Variants in HS3ST3A1 observed in about 807,000 individuals in gnomAD.
The protein encoded by HS3ST3A1 is heparan sulfate-glucosamine 3-sulfotransferase 3A1.
Under a neutral mutation model 25.7 loss-of-function variants are expected in HS3ST3A1, and 19 were observed. The ratio of observed to expected loss-of-function variants is 0.74; its 90% confidence interval spans 0.52 to 1.08. The LOEUF is 1.08. Ranked by LOEUF, HS3ST3A1 falls within the 50% of genes least tolerant of loss-of-function variation. The pLI, the probability that HS3ST3A1 is intolerant of heterozygous loss-of-function variation, is 0.00. For synonymous variants in HS3ST3A1, 226 were observed against 278.6 expected (o/e 0.81, Z 1.88); for missense variants, 459 against 594.3 (o/e 0.77, Z 2.37).
chr17:13,532,906 TAC>T (rs372721576), intron 1 of HS3ST3A1, among the ~76,000 whole-genome samples: 57,187 of 146,300 alleles, frequency 0.39, 11,859 homozygotes, highest in African/African-American at 0.55. Context: ...TATGTTTATA[TAC>T]ACACACACAC....
chr17:13,547,547 G>T (rs896826714), intron 1 of HS3ST3A1, among the ~76,000 whole-genome samples: 1 of 152,174 alleles, frequency 6.6e-6, no homozygotes, highest in Non-Finnish European at 1.5e-5. Flanking sequence ...CGGAGGTGCT[G>T]GGAGGCTGTG....
chr17:13,505,799 G>T (rs1905645935), intron 1 of HS3ST3A1, among the ~76,000 whole-genome samples: 1 of 152,044 alleles, frequency 6.6e-6, no homozygotes, highest in South Asian at 2.1e-4. Flanking sequence ...GCAGATGTGG[G>T]CAGATCACCA....
chr17:13,580,794 G>C (rs1008730990), intron 1 of HS3ST3A1, among the ~76,000 whole-genome samples: 4 of 152,148 alleles, frequency 2.6e-5, no homozygotes, highest in African/African-American at 9.7e-5. Context: ...GGGAGGCTGA[G>C]GCAGTAGAAT....
At chr17:13,560,119 A>G (rs1179175746) in intron 1 of HS3ST3A1, among the ~76,000 whole-genome samples, 2 of 151,048 alleles carry the variant, frequency 1.3e-5, no homozygotes, top group African/African-American at 2.4e-5. Flanking sequence ...GTGAAACCCC[A>G]TCTCTACTAA....
intron 1 of HS3ST3A1, among the ~76,000 whole-genome samples, chr17:13,539,396 T>C (rs1906863686): frequency 6.6e-6 from 1 of 152,248 alleles, no homozygotes; most frequent in African/African-American, 2.4e-5. Flanking sequence ...TCAACCGTAC[T>C]AGCTCCCAAT....
At chr17:13,595,856 G>T (rs571327928) in intron 1 of HS3ST3A1, among the ~76,000 whole-genome samples, 10,837 of 151,310 alleles carry the variant, frequency 0.072, 834 homozygotes, top group African/African-American at 0.19. Context: ...GGTTGTTGTT[G>T]TTGTTGTTGT....
intron 1 of HS3ST3A1, among the ~76,000 whole-genome samples, chr17:13,531,671 A>C (rs775200237): frequency 3.9e-5 from 6 of 152,064 alleles, no homozygotes; most frequent in Non-Finnish European, 7.3e-5. Context: ...GTCTCTCTCC[A>C]GACCTTATTT....
intron 1 of HS3ST3A1, among the ~76,000 whole-genome samples, chr17:13,596,617 T>C (rs567154777): frequency 1.3e-4 from 19 of 151,854 alleles, no homozygotes; most frequent in Admixed American, 9.8e-4. Context: ...AGACTCAGAG[T>C]CCAAAGTAAC....
intron 1 of HS3ST3A1, among the ~76,000 whole-genome samples, chr17:13,530,939 T>C (rs145602683): frequency 0.015 from 2,317 of 152,302 alleles, 56 homozygotes; most frequent in African/African-American, 0.053. Flanking sequence ...TGATCCCTCT[T>C]CTCTGGCTAG....
intron 1 of HS3ST3A1, among the ~76,000 whole-genome samples, chr17:13,567,167 T>C (rs1907695596): frequency 6.6e-6 from 1 of 152,240 alleles, no homozygotes; most frequent in Admixed American, 6.5e-5. Flanking sequence ...TTACAATTTA[T>C]GCTAAGCCTA....
intron 1 of HS3ST3A1, among the ~76,000 whole-genome samples, chr17:13,592,403 A>C (rs1908450679): frequency 6.6e-6 from 1 of 152,208 alleles, no homozygotes; most frequent in Non-Finnish European, 1.5e-5. Context: ...CTCACCTCTA[A>C]AATGATAGAT....
At chr17:13,570,663 A>G (rs1039607123) in intron 1 of HS3ST3A1, among the ~76,000 whole-genome samples, 1 of 152,094 alleles carries the variant, frequency 6.6e-6, no homozygotes, top group African/African-American at 2.4e-5. Context: ...GTTTGTAGAG[A>G]TGGGATTTCA....
chr17:13,552,327 C>T (rs191186636), intron 1 of HS3ST3A1, among the ~76,000 whole-genome samples: 4 of 152,108 alleles, frequency 2.6e-5, no homozygotes, highest in African/African-American at 4.8e-5. Context: ...GTGATCCACC[C>T]GCCTCGGCCT....
At chr17:13,524,758 T>C (rs1249099091) in intron 1 of HS3ST3A1, among the ~76,000 whole-genome samples, 3 of 152,120 alleles carry the variant, frequency 2.0e-5, no homozygotes, top group African/African-American at 7.2e-5. Flanking sequence ...GGGTGAAGGG[T>C]ACATAGGAAC....
At chr17:13,516,321 A>AT (rs1555537648) in intron 1 of HS3ST3A1, among the ~76,000 whole-genome samples, 175 of 152,120 alleles carry the variant, frequency 1.2e-3, no homozygotes, top group African/African-American at 4.0e-3. Context: ...AAAAAATAAA[A>AT]AAATAAATAA....
intron 1 of HS3ST3A1, among the ~76,000 whole-genome samples, chr17:13,565,902 C>G (rs79538678): frequency 0.015 from 2,238 of 152,272 alleles, 87 homozygotes; most frequent in East Asian, 0.13. Context: ...GTCTATACTC[C>G]GAGTGTGTAA....
At chr17:13,507,083 A>AAC (rs1555536842) in intron 1 of HS3ST3A1, among the ~76,000 whole-genome samples, 18 of 144,622 alleles carry the variant, frequency 1.2e-4, no homozygotes, top group Admixed American at 1.0e-3. Context: ...AAAAAAAAAA[A>AAC]AAACAAAAAA....
chr17:13,594,182 G>T (rs1908514065), intron 1 of HS3ST3A1, among the ~76,000 whole-genome samples: 1 of 152,064 alleles, frequency 6.6e-6, no homozygotes, highest in Admixed American at 6.6e-5. Context: ...ATTATATCGG[G>T]GATCATGATC....
chr17:13,545,240 C>A (rs1304207558), intron 1 of HS3ST3A1, among the ~76,000 whole-genome samples: 3 of 152,100 alleles, frequency 2.0e-5, no homozygotes, highest in African/African-American at 7.2e-5. Flanking sequence ...TGCAGATATA[C>A]CTAAATAAAA....
Sources: gnomAD v4.1 joint callset for allele counts (sites outside exome capture counted in the v4.1 genomes callset) on GRCh38, gnomAD v4.1.1 for gene constraint, MANE v1.5 for transcripts, NCBI Gene and HGNC (gene_info 2026-07-23, HGNC 2026-07-21) for gene names.